VAT1L: variants seen among roughly 807,000 people sequenced by gnomAD.
The protein encoded by VAT1L is putative NADPH-dependent quinone oxidoreductase VAT1L.
In VAT1L, 34 loss-of-function variants were observed where a neutral mutation model predicts 44.1. That is an observed-to-expected ratio of 0.77 (90% CI 0.59 to 1.03). VAT1L has a LOEUF of 1.03. Ranked by LOEUF, VAT1L falls within the 50% of genes least tolerant of loss-of-function variation. VAT1L has a pLI of 0.00. For synonymous variants in VAT1L, 253 were observed against 202.2 expected, an observed-to-expected ratio of 1.25 and a Z score of -2.13; for missense variants, 615 against 538.8, an observed-to-expected ratio of 1.14 and a Z score of -1.40.
At chr16:77,947,392 A>T (rs1337251715) in intron 7 of VAT1L, among the ~76,000 whole-genome samples, 1 of 152,230 alleles carries the variant, frequency 6.6e-6, no homozygotes, top group Admixed American at 6.5e-5. Flanking sequence ...CGTAAAGATC[A>T]AGTGGGTTTT....
chr16:77,889,964 A>G (rs2017246549), intron 7 of VAT1L, among the ~76,000 whole-genome samples: 1 of 151,996 alleles, frequency 6.6e-6, no homozygotes. Flanking sequence ...GGCAACGCCT[A>G]TAGTCCCAGC....
At chr16:77,794,427 T>G (rs1012697288) in intron 1 of VAT1L, among the ~76,000 whole-genome samples, 1 of 152,182 alleles carries the variant, frequency 6.6e-6, no homozygotes. Flanking sequence ...CCATGCTGAT[T>G]AAACACAATC....
chr16:77,867,353 A>G (rs2016985358), intron 4 of VAT1L, among the ~76,000 whole-genome samples: 1 of 152,206 alleles, frequency 6.6e-6, no homozygotes, highest in South Asian at 2.1e-4. Context: ...TATGTCAATT[A>G]TATCTCAATA....
chr16:77,962,739 A>AGAAGGAAAGAAGGAAGGAAGGAAG (rs2018175748), intron 7 of VAT1L, among the ~76,000 whole-genome samples: 3 of 129,328 alleles, frequency 2.3e-5, no homozygotes, highest in Non-Finnish European at 4.8e-5. Context: ...AAAGAAGGAA[A>AGAAGGAAAGAAGGAAGGAAGGAAG]GAAGGAAGGA....
intron 7 of VAT1L, among the ~76,000 whole-genome samples, chr16:77,932,367 A>G (rs930975906): frequency 6.6e-6 from 1 of 152,092 alleles, no homozygotes; most frequent in Non-Finnish European, 1.5e-5. Context: ...GGCCTCCAAA[A>G]GTGCTAGGAT....
intron 7 of VAT1L, among the ~76,000 whole-genome samples, chr16:77,941,737 C>A (rs528186748): frequency 2.1e-4 from 32 of 152,204 alleles, no homozygotes; most frequent in Non-Finnish European, 3.7e-4. Flanking sequence ...AGGCACCATG[C>A]CACCAAGCCT....
chr16:77,906,280 G>A (rs2017435677), intron 7 of VAT1L, among the ~76,000 whole-genome samples: 1 of 152,164 alleles, frequency 6.6e-6, no homozygotes, highest in Non-Finnish European at 1.5e-5. Flanking sequence ...ATGTGGAGAC[G>A]GCTTTCAGAG....
Position 77,977,741 on chromosome 16 carries a change from G to C in VAT1L, c.*46G>C, listed in dbSNP as rs989804143. 4 of 1,575,780 alleles carry C rather than the reference G, an allele frequency of 2.5e-6. No homozygotes were observed. The highest frequency in any genetic ancestry group is 3.5e-6 in the Non-Finnish European group (4 of 1,153,678). ...ATGTGAAGGATGGTTTGGAAGATGA[G>C]GACCCGGCTGAGAAAACTCTTCTGT... On this transcript the variant is annotated 3_prime_UTR_variant, in exon 9 of 9. Coordinates refer to ENST00000302536, the MANE Select transcript of VAT1L (RefSeq NM_020927.3).
intron 7 of VAT1L, among the ~76,000 whole-genome samples, chr16:77,926,581 T>C (rs1330856657): frequency 1.3e-5 from 2 of 151,986 alleles, no homozygotes; most frequent in East Asian, 3.9e-4. Context: ...AGACTCCATC[T>C]CAAAAAAAGT....
intron 1 of VAT1L, among the ~76,000 whole-genome samples, chr16:77,798,678 G>A (rs866965279): frequency 3.3e-5 from 5 of 152,176 alleles, no homozygotes; most frequent in South Asian, 2.1e-4. Flanking sequence ...ACCTGTATCC[G>A]CCAAAGACCA....
intron 1 of VAT1L, among the ~76,000 whole-genome samples, chr16:77,790,595 A>C (rs186883267): frequency 2.1e-3 from 325 of 152,050 alleles, no homozygotes; most frequent in Non-Finnish European, 3.0e-3. Context: ...CCACTTCATC[A>C]AAAAAAATTA....
At chr16:77,955,111 C>A (rs2018087957) in intron 7 of VAT1L, among the ~76,000 whole-genome samples, 1 of 152,136 alleles carries the variant, frequency 6.6e-6, no homozygotes, top group Admixed American at 6.5e-5. Context: ...AACAAAATCC[C>A]CTGTGTGCAA....
At chr16:77,910,750 G>A (rs1054250090) in intron 7 of VAT1L, among the ~76,000 whole-genome samples, 1 of 151,006 alleles carries the variant, frequency 6.6e-6, no homozygotes, top group South Asian at 2.1e-4. Flanking sequence ...AAGACTCTGA[G>A]AAGCCCTGCA....
rs150412236 is a variant in VAT1L, at chr16:77,876,409, C to G, written c.762C>G (p.Leu254=). Residue 254 remains leucine, a synonymous_variant, in exon 5 of 9, where the codon CTC becomes CTG. Transcript: ENST00000302536. Reference sequence around the variant, plus strand: ...GTGTGGACATCGTTTTGGATTGCCTCTGTGGGGACAACACTGGAAAAGGTC... The same window carrying G: ...GTGTGGACATCGTTTTGGATTGCCTGTGTGGGGACAACACTGGAAAAGGTC... ...AEGVDIVLDC[L]CGDNTGKGLS... 3 of 1,614,200 alleles carry G rather than the reference C, an allele frequency of 1.9e-6. No individual in the cohort carries two copies. In the African/African-American group the frequency reaches 4.0e-5, roughly 22 times the overall value.
chr16:77,900,860 T>C (rs2017374443), intron 7 of VAT1L, among the ~76,000 whole-genome samples: 1 of 152,146 alleles, frequency 6.6e-6, no homozygotes, highest in Non-Finnish European at 1.5e-5. Context: ...GTTGTCATTA[T>C]AAATGCCCCA....
chr16:77,943,867 C>T (rs1297858665), intron 7 of VAT1L, among the ~76,000 whole-genome samples: 2 of 152,184 alleles, frequency 1.3e-5, no homozygotes, highest in East Asian at 1.9e-4. Context: ...CTTTCCTCCA[C>T]ACCCACAGGT....
intron 3 of VAT1L, among the ~76,000 whole-genome samples, chr16:77,851,628 G>A (rs1328896705): frequency 6.6e-6 from 1 of 152,052 alleles, no homozygotes; most frequent in African/African-American, 2.4e-5. Context: ...ACCTCAGCCT[G>A]GGCAACAGAT....
At chr16:77,974,909 A>C (rs528861974) in intron 8 of VAT1L, among the ~76,000 whole-genome samples, 2 of 152,188 alleles carry the variant, frequency 1.3e-5, no homozygotes, top group Non-Finnish European at 2.9e-5. Context: ...AGAAACAAAA[A>C]GACAGTAGAG....
intron 4 of VAT1L, among the ~76,000 whole-genome samples, chr16:77,872,584 G>A (rs939516358): frequency 2.0e-5 from 3 of 152,022 alleles, no homozygotes; most frequent in African/African-American, 7.2e-5. Context: ...CAAAGCAAGC[G>A]GCCCTTTGTT....
Sources: gnomAD v4.1 joint callset for allele counts (sites outside exome capture counted in the v4.1 genomes callset) on GRCh38, gnomAD v4.1.1 for gene constraint, MANE v1.5 for transcripts, NCBI Gene and HGNC (gene_info 2026-07-23, HGNC 2026-07-21) for gene names.